TTLL7: variants seen among roughly 807,000 people sequenced by gnomAD.
The protein encoded by TTLL7 is tubulin tyrosine ligase like 7, also known as tubulin polyglutamylase TTLL7.
TTLL7 carries 53 observed loss-of-function variants against 120.2 expected under a neutral mutation model. The observed-to-expected ratio is 0.44, with a 90% CI of 0.35 to 0.55. The LOEUF (loss-of-function observed/expected upper bound fraction) is 0.55. Ranked by LOEUF, TTLL7 falls within the 20% of genes least tolerant of loss-of-function variation. TTLL7 has a pLI of 0.00. For synonymous variants in TTLL7, 353 were observed against 351.7 expected (o/e 1.00, Z -0.04); for missense variants, 803 against 1,054.7 (o/e 0.76, Z 3.31).
chr1:83,871,736 A>C (rs1282406360), intron 20 of TTLL7, among the ~76,000 whole-genome samples: 1 of 151,976 alleles, frequency 6.6e-6, no homozygotes, highest in African/African-American at 2.4e-5. Context: ...TCTACTAAAA[A>C]TACAAAAAAA....
Position 83,904,139 on chromosome 1 carries a change from A to T in TTLL7, c.2148T>A (p.Tyr716Ter). The T allele has an allele frequency of 6.2e-7, 1 of 1,612,010 alleles. No homozygotes were observed. Among genetic ancestry groups the T allele is most frequent in the Non-Finnish European group, 8.5e-7 (1 of 1,178,848 alleles). Residue 716 changes from tyrosine (Y) to a stop codon, truncating the protein, a stop_gained, in exon 18 of 21, where the codon TAT (tyrosine) becomes TAA (stop). Transcript: ENST00000260505. LOFTEE classifies it high-confidence loss of function. ...LIEDIIDNWK[Y>*]HKTKVASYWL... ...AATATGAAGCCACTTTGGTTTTATGATACTTCCAGTTATCAATGATCTGTT... is the reference window on the plus strand; with the variant it reads ...AATATGAAGCCACTTTGGTTTTATGTTACTTCCAGTTATCAATGATCTGTT...
intron 10 of TTLL7, among the ~76,000 whole-genome samples, chr1:83,928,308 A>C (rs1659308322): frequency 1.3e-5 from 2 of 152,224 alleles, no homozygotes; most frequent in African/African-American, 4.8e-5. Context: ...TGACAATTAA[A>C]TAAATTGAAA....
At chr1:83,911,140 T>C in intron 15 of TTLL7, 25 bp downstream of exon 15, 1 of 1,566,240 alleles carries the variant, frequency 6.4e-7, no homozygotes, top group South Asian at 1.1e-5. Context: ...TTATATAACA[T>C]CTAAATTAGA....
Position 83,957,500 on chromosome 1 carries a change from C to T in TTLL7, c.-176-5113G>A, listed in dbSNP as rs561722515. On this transcript the variant is annotated intron_variant, in intron 1 of 20. Transcript: ENST00000260505. ...AAGAACCAGTACAAACCAGTATCTA[C>T]TTTCACATAACTTTATTTAGTCCAC... Among the ~76,000 whole-genome samples the T allele has an allele frequency of 2.0e-5, 3 of 152,254 alleles. No individual in the cohort carries two copies. In the East Asian group the frequency reaches 5.8e-4, roughly 29 times the overall value.
chr1:83,896,541 A>G (rs2100743076), intron 18 of TTLL7, among the ~76,000 whole-genome samples: 1 of 152,260 alleles, frequency 6.6e-6, no homozygotes, highest in Non-Finnish European at 1.5e-5. Context: ...TGATGCATGC[A>G]GCAGCGATGG....
chr1:83,931,857 T>G (rs1659628704), intron 9 of TTLL7, among the ~76,000 whole-genome samples: 2 of 152,180 alleles, frequency 1.3e-5, no homozygotes, highest in South Asian at 4.1e-4. Flanking sequence ...TTATTCCACT[T>G]GATGGCGCCA....
At chr1:83,950,956 C>T (rs1338318162) in intron 3 of TTLL7, among the ~76,000 whole-genome samples, 1 of 152,124 alleles carries the variant, frequency 6.6e-6, no homozygotes, top group African/African-American at 2.4e-5. Context: ...ATGTCAGGAG[C>T]ACAACTGTTC....
chr1:83,900,893 T>C (rs557730729), intron 18 of TTLL7, among the ~76,000 whole-genome samples: 80 of 152,154 alleles, frequency 5.3e-4, no homozygotes, highest in Middle Eastern at 6.8e-3. Context: ...TTATGTGTCT[T>C]ACTAATTTTT....
At position 83,867,324 on chromosome 1, in the gene TTLL7, C is replaced by A. The variant is rs1322895345; in HGVS notation, c.*2638G>T. The A allele has an allele frequency of 6.6e-6, 1 of 151,884 alleles. No homozygotes were observed. Among genetic ancestry groups the A allele is most frequent in the African/African-American group, 2.4e-5 (1 of 41,382 alleles). The allele number at this position is 151,884 out of a possible 1,614,324, so 9.4% of individuals were successfully genotyped here. ...ACAGCAGACACAGTCCATAGCATAC[C>A]AGGTAGTATATATAAATAATGAACA... is the stretch of plus-strand genomic sequence containing the variant. On this transcript the variant is annotated 3_prime_UTR_variant, in exon 21 of 21. Transcript: ENST00000260505.
intron 14 of TTLL7, among the ~76,000 whole-genome samples, chr1:83,917,055 C>T (rs1309095553): frequency 6.9e-6 from 1 of 145,044 alleles, no homozygotes; most frequent in Non-Finnish European, 1.5e-5. Flanking sequence ...GAGGTATGAA[C>T]ATACCACTGG....
intron 14 of TTLL7, among the ~76,000 whole-genome samples, chr1:83,916,264 G>A (rs1267264744): frequency 6.6e-6 from 1 of 152,132 alleles, no homozygotes; most frequent in Non-Finnish European, 1.5e-5. Flanking sequence ...ATGATAGACT[G>A]GATTAAGAAA....
At chr1:83,899,096 A>AC (rs1656491115) in intron 18 of TTLL7, among the ~76,000 whole-genome samples, 1 of 151,936 alleles carries the variant, frequency 6.6e-6, no homozygotes, top group Admixed American at 6.6e-5. Context: ...ATAAAACTTT[A>AC]TAGTAAAGTT....
At chr1:83,909,198 A>ATATAACCTGTATAAGTG (rs1269478288) in intron 15 of TTLL7, among the ~76,000 whole-genome samples, 1 of 150,066 alleles carries the variant, frequency 6.7e-6, no homozygotes, top group East Asian at 2.0e-4. Context: ...GTTTGGTTGT[A>ATATAACCTGTATAAGTG]TATAACCTGA....
chr1:83,923,388 A>G (rs1399379297), intron 10 of TTLL7, among the ~76,000 whole-genome samples: 8 of 152,138 alleles, frequency 5.3e-5, no homozygotes, highest in African/African-American at 1.7e-4. Context: ...GGAAGCAAAA[A>G]AAGGGAATGA....
chr1:83,916,998 G>A (rs950133269), intron 14 of TTLL7, among the ~76,000 whole-genome samples: 1 of 151,798 alleles, frequency 6.6e-6, no homozygotes, highest in African/African-American at 2.4e-5. Flanking sequence ...CTACTCAGGA[G>A]GCTGAGGCAG....
chr1:83,934,610 A>G (rs1173314751), intron 8 of TTLL7, among the ~76,000 whole-genome samples: 1 of 152,162 alleles, frequency 6.6e-6, no homozygotes, highest in African/African-American at 2.4e-5. Context: ...ATTTTTAAAA[A>G]GTTGTTTTAC....
intron 18 of TTLL7, chr1:83,900,054 G>A (rs145228242): frequency 2.8e-6 from 1 of 351,946 alleles, no homozygotes; most frequent in African/African-American, 2.2e-5. Flanking sequence ...ATATGAAATT[G>A]TTTCTTCCAA....
At chr1:83,903,944 G>C (rs1297661877) in intron 18 of TTLL7, 135 bp downstream of exon 18, 1 of 704,490 alleles carries the variant, frequency 1.4e-6, no homozygotes, top group Non-Finnish European at 2.4e-6. Context: ...ACACATAATA[G>C]ATACTTAATA....
In TTLL7 at chr1:83,867,143, T is replaced by A. The variant is rs1381149125; in HGVS notation, c.*2819A>T. The stretch of plus-strand genomic sequence containing the variant: ...CTCCTAGAAAAGGGAGTCACACCTG[T>A]ACAATCACTTATGCTTATATGTTTT... On this transcript the variant is annotated 3_prime_UTR_variant, in exon 21 of 21. Coordinates refer to ENST00000260505, the MANE Select transcript of TTLL7 (RefSeq NM_024686.6). 6.6e-6 allele frequency: 1 copy of A among 152,040 alleles called. No individual in the cohort carries two copies. Among genetic ancestry groups the A allele is most frequent in the Admixed American group, 6.6e-5 (1 of 15,264 alleles). The allele number at this position is 152,040 out of a possible 1,614,324, so 9.4% of individuals were successfully genotyped here. A position where few individuals can be genotyped will look rare whatever the true frequency, so the allele number is the denominator to read the frequency against.
Sources: allele counts gnomAD v4.1 joint callset (sites outside exome capture counted in the v4.1 genomes callset), GRCh38; gene constraint gnomAD v4.1.1; transcripts MANE v1.5; gene names NCBI Gene and HGNC (gene_info 2026-07-23, HGNC 2026-07-21).